SCEL: variants seen among roughly 807,000 people sequenced by gnomAD.
SCEL encodes the protein sciellin.
In SCEL, 113 loss-of-function variants were observed where a neutral mutation model predicts 117.6. The ratio of observed to expected loss-of-function variants is 0.96; its 90% confidence interval spans 0.83 to 1.12. The LOEUF (loss-of-function observed/expected upper bound fraction) is 1.12. Among genes scored for constraint, SCEL ranks in the 50% most tolerant of loss-of-function variants. The probability of loss-of-function intolerance (pLI) is 0.00; values close to 1 mark genes in which losing one functional copy is unlikely to be tolerated. For missense variants in SCEL, 785 were observed against 810.8 expected (o/e 0.97, Z 0.39); for synonymous variants, 270 against 256.2 (o/e 1.05, Z -0.51).
intron 28 of SCEL, among the ~76,000 whole-genome samples, chr13:77,632,676 T>C (rs1034081093): frequency 6.6e-6 from 1 of 152,256 alleles, no homozygotes; most frequent in African/African-American, 2.4e-5. Context: ...CTCTTCTATG[T>C]CAGAGTTTAC....
At chr13:77,569,811 G>T (rs2085493166) in intron 8 of SCEL, among the ~76,000 whole-genome samples, 1 of 152,192 alleles carries the variant, frequency 6.6e-6, no homozygotes, top group African/African-American at 2.4e-5. Flanking sequence ...TGCCGCCTCT[G>T]CTCTGTGGAT....
chr13:77,545,404 AT>A (rs1046405586), intron 1 of SCEL, among the ~76,000 whole-genome samples: 5 of 152,042 alleles, frequency 3.3e-5, no homozygotes, highest in Non-Finnish European at 5.9e-5. Context: ...ATTTGGCTGC[AT>A]TTTTTTTAAT....
chr13:77,569,330 G>T, intron 7 of SCEL, 41 bp from the exon 8 acceptor site: 4 of 1,506,434 alleles, frequency 2.7e-6, no homozygotes, highest in Non-Finnish European at 2.8e-6. Context: ...AAATGAAAAA[G>T]TTTGAGAGTG....
intron 10 of SCEL, among the ~76,000 whole-genome samples, chr13:77,589,819 G>T (rs1384287366): frequency 6.6e-6 from 1 of 152,102 alleles, no homozygotes; most frequent in African/African-American, 2.4e-5. Context: ...AGGAAAAATA[G>T]ACTTGCTTCT....
Position 77,554,313 on chromosome 13 carries a change from C to G in SCEL, c.-19-1544C>G, listed in dbSNP as rs866419140. On this transcript the variant is annotated intron_variant, in intron 1 of 32. Transcript: ENST00000349847. Reference sequence around the variant, plus strand: ...AGGTTGTGAAACCAGTCAGGCCTAACAGCGAAGGGCAAATCCTCAAGGAAG... The same window carrying G: ...AGGTTGTGAAACCAGTCAGGCCTAAGAGCGAAGGGCAAATCCTCAAGGAAG... 2.0e-5 allele frequency among the ~76,000 whole-genome samples: 3 copies of G among 152,300 alleles called. No individual in the cohort carries two copies. In the East Asian group the frequency reaches 5.8e-4, roughly 29 times the overall value.
intron 28 of SCEL, among the ~76,000 whole-genome samples, chr13:77,633,420 G>A (rs929352183): frequency 2.8e-5 from 3 of 108,744 alleles, no homozygotes; most frequent in African/African-American, 3.7e-5. Context: ...TCCGGCCTGG[G>A]CGACAGAGCG....
chr13:77,599,265 T>C (rs2087469913), intron 13 of SCEL, 64 bp from the exon 14 acceptor site: 1 of 1,174,990 alleles, frequency 8.5e-7, no homozygotes, highest in Non-Finnish European at 1.2e-6. Context: ...TGGTCTATGT[T>C]CTTATAGAGT....
chr13:77,613,792 A>G (rs1465172263), intron 23 of SCEL, 101 bp from the exon 24 acceptor site: 3 of 887,300 alleles, frequency 3.4e-6, no homozygotes, highest in African/African-American at 3.4e-5. Flanking sequence ...CAGTAAACTT[A>G]TGAGTTCTTA....
At chr13:77,557,075 G>T (rs1208956518) in intron 3 of SCEL, among the ~76,000 whole-genome samples, 2 of 152,172 alleles carry the variant, frequency 1.3e-5, no homozygotes, top group African/African-American at 4.8e-5. Context: ...TGTTGATCAT[G>T]TCAGCTGAAA....
chr13:77,580,439 A>G (rs938033995), intron 9 of SCEL, among the ~76,000 whole-genome samples: 2 of 152,180 alleles, frequency 1.3e-5, no homozygotes, highest in Admixed American at 6.5e-5. Context: ...CATCTGGAGA[A>G]ATATTCAGGT....
chr13:77,618,219 C>T (rs2089207076), intron 27 of SCEL, among the ~76,000 whole-genome samples, 159 bp downstream of exon 27: 1 of 151,836 alleles, frequency 6.6e-6, no homozygotes, highest in Non-Finnish European at 1.5e-5. Context: ...TTCATTCTAT[C>T]ACCCAGGCTG....
intron 2 of SCEL, 112 bp from the exon 3 acceptor site, chr13:77,556,484 G>A: frequency 1.2e-6 from 1 of 838,370 alleles, no homozygotes; most frequent in Non-Finnish European, 2.0e-6. Context: ...GGACTTGCCA[G>A]CCCAGATTGA....
intron 24 of SCEL, among the ~76,000 whole-genome samples, chr13:77,614,871 G>A (rs1037431326): frequency 6.6e-6 from 1 of 152,020 alleles, no homozygotes; most frequent in Non-Finnish European, 1.5e-5. Context: ...TTACAACTAG[G>A]TATCATTACT....
chr13:77,589,157 C>T lies in SCEL; in HGVS notation c.559C>T (p.His187Tyr). The stretch of plus-strand genomic sequence containing the variant: ...TCTGTTTTAAAGGGAACCAGGTGTT[C>T]ACCCTCCAATACCTCCAAAGCCCAG... The part of the protein sequence containing the change: ...TGTRRREPGV[H>Y]PPIPPKPSSP... The change falls in exon 10 of 33, where the codon CAC (histidine) becomes TAC (tyrosine). Residue 187 changes from histidine to tyrosine, a missense_variant. Physicochemically the swap from His to Tyr is moderately conservative, Grantham distance 83. Transcript: ENST00000349847. 1 of 1,612,562 alleles carries T rather than the reference C, an allele frequency of 6.2e-7. No individual in the cohort carries two copies. Among genetic ancestry groups the T allele is most frequent in the Non-Finnish European group, 8.5e-7 (1 of 1,178,776 alleles).
At chr13:77,549,092 A>G (rs747715212) in intron 1 of SCEL, among the ~76,000 whole-genome samples, 5 of 152,204 alleles carry the variant, frequency 3.3e-5, no homozygotes, top group Non-Finnish European at 7.3e-5. Flanking sequence ...TGGAATTACC[A>G]GATCATATGG....
chr13:77,606,178 T>C (rs1306689142), intron 19 of SCEL, among the ~76,000 whole-genome samples: 2 of 152,186 alleles, frequency 1.3e-5, no homozygotes, highest in Non-Finnish European at 2.9e-5. Context: ...GTGTGTGCAT[T>C]GCATGTGTGT....
intron 24 of SCEL, among the ~76,000 whole-genome samples, chr13:77,616,151 T>A (rs939739357): frequency 1.3e-5 from 2 of 151,894 alleles, no homozygotes; most frequent in Admixed American, 6.6e-5. Context: ...TTAGGTAAAT[T>A]AAATTTTTGT....
chr13:77,576,736 C>G (rs2085964668), intron 9 of SCEL, among the ~76,000 whole-genome samples: 1 of 152,184 alleles, frequency 6.6e-6, no homozygotes, highest in Non-Finnish European at 1.5e-5. Context: ...GCAGTATGGC[C>G]ATTTTCACAA....
chr13:77,556,087 T>A (rs1405748522), intron 2 of SCEL, among the ~76,000 whole-genome samples, 169 bp downstream of exon 2: 1 of 152,228 alleles, frequency 6.6e-6, no homozygotes. Context: ...CAGCTTTTAG[T>A]CATGTAATTG....
Sources: allele counts gnomAD v4.1 joint callset (sites outside exome capture counted in the v4.1 genomes callset), GRCh38; gene constraint gnomAD v4.1.1; transcripts MANE v1.5; gene names NCBI Gene and HGNC (gene_info 2026-07-23, HGNC 2026-07-21).